The following GRIA4 variants were observed in gnomAD, a reference collection of about 807,000 sequenced individuals.
GRIA4 encodes the protein glutamate ionotropic receptor AMPA type subunit 4.
A neutral mutation model predicts 104.0 loss-of-function variants in GRIA4; 34 were observed. That is an observed-to-expected ratio of 0.33 (90% CI 0.25 to 0.44). GRIA4 has a LOEUF of 0.44. Among genes scored for constraint, GRIA4 ranks in the 20% least tolerant of loss-of-function variants. GRIA4 has a pLI of 1.00. For synonymous variants in GRIA4, 386 were observed against 381.9 expected (o/e 1.01, Z -0.13); for missense variants, 750 against 1,096.5 (o/e 0.68, Z 4.46).
intron 4 of GRIA4, among the ~76,000 whole-genome samples, chr11:105,816,883 G>A (rs549090708): frequency 1.9e-4 from 29 of 152,196 alleles, no homozygotes; most frequent in Middle Eastern, 3.4e-3. Context: ...CTGGATGGTG[G>A]TGCATGCCCA....
At chr11:105,742,683 A>T (rs898324920) in intron 3 of GRIA4, among the ~76,000 whole-genome samples, 15 of 151,966 alleles carry the variant, frequency 9.9e-5, no homozygotes, top group Non-Finnish European at 2.2e-4. Flanking sequence ...TACATTTAGC[A>T]TTACATAATT....
intron 10 of GRIA4, among the ~76,000 whole-genome samples, 178 bp from the exon 11 acceptor site, chr11:105,918,534 C>G (rs73544608): frequency 0.083 from 12,681 of 152,100 alleles, 589 homozygotes; most frequent in African/African-American, 0.1. Context: ...GCAATTTAAT[C>G]TCTTCTAAGC....
intron 13 of GRIA4, among the ~76,000 whole-genome samples, chr11:105,928,985 G>T (rs1947796493): frequency 1.3e-5 from 2 of 151,996 alleles, no homozygotes. Context: ...CCCAACTTCA[G>T]TTTTTAAATT....
At chr11:105,819,538 A>G (rs910435692) in intron 4 of GRIA4, among the ~76,000 whole-genome samples, 1 of 152,156 alleles carries the variant, frequency 6.6e-6, no homozygotes, top group Non-Finnish European at 1.5e-5. Flanking sequence ...CCAAAAATTC[A>G]GTTAAAGAAT....
intron 3 of GRIA4, among the ~76,000 whole-genome samples, chr11:105,733,999 A>G (rs1938770003): frequency 6.8e-6 from 1 of 147,284 alleles, no homozygotes; most frequent in Admixed American, 6.9e-5. Context: ...GAATACATAT[A>G]TATATTATAT....
chr11:105,874,730 T>C (rs1196255220), intron 5 of GRIA4, among the ~76,000 whole-genome samples: 2 of 152,328 alleles, frequency 1.3e-5, no homozygotes, highest in African/African-American at 2.4e-5. Flanking sequence ...ATTATTGGTG[T>C]AAAGAAATGC....
intron 14 of GRIA4, among the ~76,000 whole-genome samples, chr11:105,959,298 TC>T (rs1346591830): frequency 6.6e-6 from 1 of 152,198 alleles, no homozygotes; most frequent in Non-Finnish European, 1.5e-5. Flanking sequence ...CTTTGTTCAT[TC>T]TTTTTCATTC....
intron 14 of GRIA4, among the ~76,000 whole-genome samples, chr11:105,961,671 A>C (rs1420645063): frequency 6.6e-6 from 1 of 152,216 alleles, no homozygotes; most frequent in East Asian, 1.9e-4. Context: ...ATTTCCAAAA[A>C]ACATTGTCTT....
chr11:105,644,099 A>T (rs1419577448), intron 3 of GRIA4, among the ~76,000 whole-genome samples: 3 of 152,152 alleles, frequency 2.0e-5, no homozygotes, highest in Admixed American at 6.5e-5. Context: ...GCATAGAAAA[A>T]TTTTCAAAGG....
At chr11:105,866,251 T>C (rs1945401277) in intron 5 of GRIA4, among the ~76,000 whole-genome samples, 1 of 152,132 alleles carries the variant, frequency 6.6e-6, no homozygotes, top group South Asian at 2.1e-4. Flanking sequence ...TCTCTAAAAG[T>C]CAATAATGCT....
At chr11:105,632,609 T>C (rs572859293) in intron 3 of GRIA4, among the ~76,000 whole-genome samples, 2 of 152,268 alleles carry the variant, frequency 1.3e-5, no homozygotes, top group Admixed American at 6.5e-5. Flanking sequence ...TTACTAGAAA[T>C]ATCTAAAGCA....
chr11:105,866,359 A>G (rs1945404564), intron 5 of GRIA4, among the ~76,000 whole-genome samples: 2 of 151,784 alleles, frequency 1.3e-5, no homozygotes, highest in Admixed American at 1.3e-4. Flanking sequence ...TATTAATAGT[A>G]AAACTTCAGT....
chr11:105,968,107 A>G (rs1029380340), intron 14 of GRIA4, among the ~76,000 whole-genome samples: 1 of 152,228 alleles, frequency 6.6e-6, no homozygotes, highest in Non-Finnish European at 1.5e-5. Flanking sequence ...CAGCACACAC[A>G]TGCTGAAATC....
chr11:105,645,172 G>A (rs1031355614), intron 3 of GRIA4, among the ~76,000 whole-genome samples: 2 of 152,238 alleles, frequency 1.3e-5, no homozygotes, highest in African/African-American at 4.8e-5. Flanking sequence ...TCGGGGGAAA[G>A]AAGTGAAGAG....
At chr11:105,707,137 T>C (rs1396694087) in intron 3 of GRIA4, 1 of 153,316 alleles carries the variant, frequency 6.5e-6, no homozygotes, top group African/African-American at 2.4e-5. Flanking sequence ...ATTATAGCAG[T>C]CAGAACCCCT....
intron 6 of GRIA4, among the ~76,000 whole-genome samples, chr11:105,891,372 A>G (rs1376460298): frequency 2.0e-5 from 3 of 152,284 alleles, no homozygotes; most frequent in South Asian, 2.1e-4. Flanking sequence ...TTTTACCACC[A>G]TCTTTCAGAG....
At chr11:105,898,054 T>C (rs573355180) in intron 6 of GRIA4, among the ~76,000 whole-genome samples, 1 of 152,152 alleles carries the variant, frequency 6.6e-6, no homozygotes, top group African/African-American at 2.4e-5. Flanking sequence ...TAAAAACATA[T>C]CTTTGTCTCA....
chr11:105,759,654 T>G (rs1940508920), intron 4 of GRIA4, among the ~76,000 whole-genome samples: 1 of 151,992 alleles, frequency 6.6e-6, no homozygotes, highest in African/African-American at 2.4e-5. Context: ...TTCCAAAGAT[T>G]TGTGCACACT....
At chr11:105,926,702 T>G (rs769518559) in intron 12 of GRIA4, 39 bp from the exon 13 acceptor site, 4 of 1,282,832 alleles carry the variant, frequency 3.1e-6, no homozygotes, top group Non-Finnish European at 3.4e-6. Context: ...CTATGTTGGT[T>G]AAAGAAAGGA....
Sources: gnomAD v4.1 joint callset for allele counts (sites outside exome capture counted in the v4.1 genomes callset) on GRCh38, gnomAD v4.1.1 for gene constraint, MANE v1.5 for transcripts, NCBI Gene and HGNC (gene_info 2026-07-23, HGNC 2026-07-21) for gene names.